The following MAB21L4 variants were observed in gnomAD, a reference collection of about 807,000 sequenced individuals.
MAB21L4 encodes mab-21 like 4, also known as protein mab-21-like 4.
MAB21L4 carries 25 observed loss-of-function variants against 32.4 expected under a neutral mutation model. The observed-to-expected ratio is 0.77, with a 90% CI of 0.56 to 1.08. The LOEUF (loss-of-function observed/expected upper bound fraction) is 1.08, where lower values mean the gene tolerates loss of function less well. Among genes scored for constraint, MAB21L4 ranks in the 50% least tolerant of loss-of-function variants. The pLI is 0.00. For missense variants in MAB21L4, 638 were observed against 611.0 expected, an observed-to-expected ratio of 1.04 and a Z score of -0.47; for synonymous variants, 280 against 276.8, an observed-to-expected ratio of 1.01 and a Z score of -0.11.
rs1054378249 is a variant in MAB21L4 at position 240,886,136 on chromosome 2, T to A, written c.*934A>T. On this transcript the variant is annotated 3_prime_UTR_variant, in exon 5 of 5. Transcript: ENST00000388934. ...GGCCTCAGGAAACTGACAATCATGG[T>A]GGAAGGTGAAGGAGAAGGAGGCATA... 6.5e-6 allele frequency: 1 copy of A among 153,328 alleles called. No homozygotes were observed. The highest frequency in any genetic ancestry group is 2.4e-5 in the African/African-American group (1 of 41,170). The allele number at this position is 153,328 out of a possible 1,614,324, so 9.5% of individuals were successfully genotyped here. A position where few individuals can be genotyped will look rare whatever the true frequency, so the allele number is the denominator to read the frequency against.
intron 1 of MAB21L4, 136 bp from the exon 2 acceptor site, chr2:240,891,899 CT>C: frequency 6.4e-7 from 1 of 1,574,338 alleles, no homozygotes; most frequent in Non-Finnish European, 8.6e-7. Context: ...TGGCCCCCAC[CT>C]GCAGGCTGCA....
chr2:240,894,194 G>A (rs906641360), intron 1 of MAB21L4, among the ~76,000 whole-genome samples: 1 of 151,820 alleles, frequency 6.6e-6, no homozygotes, highest in African/African-American at 2.4e-5. Flanking sequence ...AGCAGATCAT[G>A]GCCTCTCGCG....
rs868326548 is a variant in MAB21L4, at chr2:240,893,836, C to T, written c.514+1648G>A. Among the ~76,000 whole-genome samples, 24 of 152,274 alleles carry T rather than the reference C, an allele frequency of 1.6e-4. 1 individual carries two copies. Among genetic ancestry groups the T allele is most frequent in the Middle Eastern group, 3.4e-3 (1 of 294 alleles). ...CTCACCCCAATGGGTGGGCCTGTCT[C>T]ACAGGTGGGGACAGGGCCAAGTGAG... On this transcript the variant is annotated intron_variant, in intron 1 of 4. Transcript: ENST00000388934.
rs201699531 is a variant in MAB21L4 at position 240,888,379 on chromosome 2, G to A, written c.1164C>T (p.Ile388=). The change falls in exon 4 of 5, where the codon ATC becomes ATT. Residue 388 remains isoleucine (I), a synonymous_variant. Transcript: ENST00000388934. ...GCAGGAGCGCCTTGAGCCCGGAGCC[G>A]ATGCGCGGCGGGGGGCTGCGGCCCA... ...THLGRSPPPR[I]GSGLKALLQL... The A allele has an allele frequency of 1.9e-5, 29 of 1,565,790 alleles. No homozygotes were observed. Among genetic ancestry groups the A allele is most frequent in the Non-Finnish European group, 2.1e-5 (24 of 1,158,736 alleles).
rs2106435371 is a variant in MAB21L4 at position 240,886,387 on chromosome 2, T to G, written c.*683A>C. 6.6e-6 allele frequency: 1 copy of G among 152,178 alleles called. No homozygotes were observed. Among genetic ancestry groups the G allele is most frequent in the Middle Eastern group, 3.4e-3 (1 of 294 alleles). 9.4% of individuals were successfully genotyped at this position (152,178 alleles called of 1,614,324 possible). On this transcript the variant is annotated 3_prime_UTR_variant, in exon 5 of 5. Transcript: ENST00000388934. ...CACAGATCCAATTCTACCTGAGATTTGGGTGGGGATACAGATACAATCCAT... is the reference window on the plus strand; with the variant it reads ...CACAGATCCAATTCTACCTGAGATTGGGGTGGGGATACAGATACAATCCAT...
At chr2:240,888,777 C>A in intron 3 of MAB21L4, 129 bp from the exon 4 acceptor site, 1 of 611,208 alleles carries the variant, frequency 1.6e-6, no homozygotes, top group South Asian at 2.8e-5. Flanking sequence ...TACCCTGTGC[C>A]CTCCCCTCCA....
rs1359807821 is a variant in MAB21L4, at chr2:240,890,198, T to C, written c.741-40A>G. On this transcript the variant is annotated intron_variant, in intron 2 of 4. Transcript: ENST00000388934. ...GACGCACTGGGTCAGCCCCCGCCGC[T>C]GTTGGCCCCCAGCATGGGGAGCTTC... is the stretch of plus-strand genomic sequence containing the variant. 2.6e-6 allele frequency: 4 copies of C among 1,567,098 alleles called. 1 individual carries two copies. The South Asian group carries it at 4.6e-5, about 18-fold the overall frequency.
chr2:240,890,184 T>C, intron 2 of MAB21L4, 26 bp from the exon 3 acceptor site: 1 of 1,570,920 alleles, frequency 6.4e-7, no homozygotes, highest in Non-Finnish European at 8.7e-7. Context: ...ACGCACTGGG[T>C]CAGCCCCCGC....
intron 3 of MAB21L4, 102 bp from the exon 4 acceptor site, chr2:240,888,750 C>T: frequency 1.3e-6 from 1 of 775,970 alleles, no homozygotes; most frequent in Non-Finnish European, 1.9e-6. Flanking sequence ...CTCCCTGCTC[C>T]TACCCACACC....
chr2:240,892,468 G>A (rs1053645695), intron 1 of MAB21L4, among the ~76,000 whole-genome samples: 2 of 152,184 alleles, frequency 1.3e-5, no homozygotes, highest in African/African-American at 4.8e-5. Flanking sequence ...TACATGATGG[G>A]GGCAGCTGGG....
Position 240,886,878 on chromosome 2 carries a change from G to A in MAB21L4, c.*192C>T. On this transcript the variant is annotated 3_prime_UTR_variant, in exon 5 of 5. Transcript: ENST00000388934. ...CCAGGCCCTGACCCAGGGAGGAGGTGCTCCAAGAGGCCTGCCCTGCCCCAC... is the reference window on the plus strand; with the variant it reads ...CCAGGCCCTGACCCAGGGAGGAGGTACTCCAAGAGGCCTGCCCTGCCCCAC... The A allele has an allele frequency of 1.8e-6, 1 of 555,072 alleles. No individual in the cohort carries two copies. The highest frequency in any genetic ancestry group is 3.2e-6 in the Non-Finnish European group (1 of 312,572). 34.4% of individuals were successfully genotyped at this position (555,072 alleles called of 1,614,324 possible).
intron 1 of MAB21L4, among the ~76,000 whole-genome samples, chr2:240,894,489 C>T (rs2059174224): frequency 6.6e-6 from 1 of 152,190 alleles, no homozygotes; most frequent in South Asian, 2.1e-4. Context: ...GGCTCAGACT[C>T]ACCCTGGACC....
rs760859546 is a variant in MAB21L4, at chr2:240,895,975, G to T, written c.23C>A (p.Thr8Asn). 6.8e-7 allele frequency: 1 copy of T among 1,464,646 alleles called. No individual in the cohort carries two copies. The highest frequency in any genetic ancestry group is 9.0e-7 in the Non-Finnish European group (1 of 1,113,454). 90.7% of individuals were successfully genotyped at this position (1,464,646 alleles called of 1,614,324 possible). Residue 8 changes from threonine (T) to asparagine (N), a missense_variant, in exon 1 of 5, where the codon ACC becomes AAC. By Grantham distance (65) the Thr-to-Asn change is moderately conservative. Transcript: ENST00000388934. ...GGGCACCTGCACGGCCATGGCTGAG[G>T]TGGGGAGAGCAGGGGCAGGCATCCC... is the stretch of plus-strand genomic sequence containing the variant. MPAPALP[T>N]SAMAVQVPLW...
intron 1 of MAB21L4, among the ~76,000 whole-genome samples, chr2:240,894,063 C>T (rs1450322064): frequency 2.0e-5 from 3 of 151,952 alleles, no homozygotes; most frequent in Non-Finnish European, 4.4e-5. Flanking sequence ...AATCCACCCT[C>T]CTGGCCTCCC....
Position 240,888,514 on chromosome 2 carries a change from C to G in MAB21L4, c.1029G>C (p.Pro343=). Residue 343 remains proline, a synonymous_variant, in exon 4 of 5, where the codon CCG becomes CCC. Transcript: ENST00000388934. ...ATRKLPHFLH[P]QRNLLQGSGL... Reference sequence around the variant, plus strand: ...CGCTGCCCTGCAGCAGGTTGCGCTGCGGGTGGAGGAAGTGGGGCAGCTTCC... The same window carrying G: ...CGCTGCCCTGCAGCAGGTTGCGCTGGGGGTGGAGGAAGTGGGGCAGCTTCC... 6.2e-7 allele frequency: 1 copy of G among 1,607,362 alleles called. No individual in the cohort carries two copies. The highest frequency in any genetic ancestry group is 8.5e-7 in the Non-Finnish European group (1 of 1,179,152).
At chr2:240,892,902 G>A (rs2059161766) in intron 1 of MAB21L4, among the ~76,000 whole-genome samples, 1 of 152,214 alleles carries the variant, frequency 6.6e-6, no homozygotes, top group Non-Finnish European at 1.5e-5. Context: ...GGGGCTGGGG[G>A]CATTCTGGTG....
At chr2:240,889,779 G>A (rs554930436) in intron 3 of MAB21L4, among the ~76,000 whole-genome samples, 10 of 152,330 alleles carry the variant, frequency 6.6e-5, no homozygotes, top group South Asian at 4.1e-4. Context: ...TAGGGATGGC[G>A]AAGGCCAGCC....
rs1434090214 is a variant in MAB21L4, at chr2:240,891,538, C to T, written c.740G>A (p.Arg247Lys). 2 of 1,607,440 alleles carry T rather than the reference C, an allele frequency of 1.2e-6. No individual in the cohort carries two copies. Among genetic ancestry groups the T allele is most frequent in the South Asian group, 2.2e-5 (2 of 90,706 alleles). The change falls in exon 2 of 5, where the codon AGG becomes AAG. Residue 247 changes from arginine (R) to lysine (K), a missense_variant and splice_region_variant. Transcript: ENST00000388934. Reference protein sequence around the residue: ...DLVPASAQLWRTSTDYLLTRL... With the variant: ...DLVPASAQLWKTSTDYLLTRL... The stretch of plus-strand genomic sequence containing the variant: ...CTTGTGACCAGGAGGGTGCGCCTAC[C>T]TCCAGAGCTGGGCGCTGGCCGGCAC...
At chr2:240,889,906 C>G in intron 3 of MAB21L4, 99 bp downstream of exon 3, 1 of 1,379,916 alleles carries the variant, frequency 7.2e-7, no homozygotes, top group Non-Finnish European at 9.8e-7. Flanking sequence ...GGACTCATAG[C>G]AGCTGCCTGC....
Sources: gnomAD v4.1 joint callset for allele counts (sites outside exome capture counted in the v4.1 genomes callset) on GRCh38, gnomAD v4.1.1 for gene constraint, MANE v1.5 for transcripts, NCBI Gene and HGNC (gene_info 2026-07-23, HGNC 2026-07-21) for gene names.